Variants in RNF38 observed in about 807,000 individuals in gnomAD.
RNF38 encodes ring finger protein 38, also known as E3 ubiquitin-protein ligase RNF38.
A neutral mutation model predicts 67.2 loss-of-function variants in RNF38; 15 were observed. The ratio of observed to expected loss-of-function variants is 0.22; its 90% confidence interval spans 0.15 to 0.34. The LOEUF is 0.34. RNF38 is among the 10% of genes least tolerant of loss of function. The pLI is 1.00. For synonymous variants in RNF38, 220 were observed against 218.8 expected (o/e 1.01, Z -0.05); for missense variants, 524 against 639.9 (o/e 0.82, Z 1.95).
At chr9:36,458,493 A>T (rs1839645758) in intron 1 of RNF38, among the ~76,000 whole-genome samples, 1 of 152,118 alleles carries the variant, frequency 6.6e-6, no homozygotes, top group Non-Finnish European at 1.5e-5. Flanking sequence ...AACACACACC[A>T]CAAGCGTCCG....
intron 1 of RNF38, among the ~76,000 whole-genome samples, chr9:36,446,518 C>T (rs1407564883): frequency 6.6e-6 from 1 of 152,074 alleles, no homozygotes; most frequent in East Asian, 1.9e-4. Flanking sequence ...AGTTGAAATA[C>T]ACATCGGCCC....
rs937832187 is a variant in RNF38, at chr9:36,458,162, G to T, written n.241+29146C>A. Among the ~76,000 whole-genome samples the T allele has an allele frequency of 2.0e-5, 3 of 152,188 alleles. No individual in the cohort carries two copies. The South Asian group carries it at 6.2e-4, about 31-fold the overall frequency. The stretch of plus-strand genomic sequence containing the variant: ...TAGTAATGAGAGGTGAAGCCAGCTG[G>T]ACTTCTGGGTCGGGTGGGGACTTGG... On this transcript the variant is annotated intron_variant and non_coding_transcript_variant, in intron 1 of 3. Coordinates refer to the RNF38 transcript ENST00000488058.
intron 1 of RNF38, among the ~76,000 whole-genome samples, chr9:36,438,730 A>G (rs1054367201): frequency 1.3e-5 from 2 of 152,178 alleles, no homozygotes. Flanking sequence ...TGGTATTTCT[A>G]CCTGAAAGAA....
intron 1 of RNF38, among the ~76,000 whole-genome samples, chr9:36,483,687 A>C (rs1480525135): frequency 6.6e-6 from 1 of 152,216 alleles, no homozygotes; most frequent in Non-Finnish European, 1.5e-5. Flanking sequence ...TGTTGGTCAC[A>C]AGCTAAAACA....
chr9:36,433,460 G>C (rs964510771), intron 1 of RNF38, among the ~76,000 whole-genome samples: 8 of 151,138 alleles, frequency 5.3e-5, no homozygotes, highest in Admixed American at 4.0e-4. Context: ...AAAACATAGG[G>C]CCAGGCACAG....
intron 1 of RNF38, among the ~76,000 whole-genome samples, chr9:36,477,833 A>AAG (rs1564078201): frequency 6.1e-5 from 9 of 147,424 alleles, no homozygotes; most frequent in Non-Finnish European, 5.9e-5. Flanking sequence ...AAAAAAAAAA[A>AAG]AAAGAAAGAA....
chr9:36,374,342 T>C (rs1204160145), intron 3 of RNF38, among the ~76,000 whole-genome samples: 1 of 152,206 alleles, frequency 6.6e-6, no homozygotes, highest in Non-Finnish European at 1.5e-5. Context: ...AACAGATACT[T>C]AATTTCTCAA....
At chr9:36,409,959 T>C (rs1341133047) in intron 2 of RNF38, among the ~76,000 whole-genome samples, 1 of 152,216 alleles carries the variant, frequency 6.6e-6, no homozygotes, top group African/African-American at 2.4e-5. Context: ...CTTATTTATC[T>C]TCCCCTGGCT....
chr9:36,369,635 T>C (rs1835226291), intron 4 of RNF38, 84 bp downstream of exon 4: 1 of 1,067,956 alleles, frequency 9.4e-7, no homozygotes, highest in Non-Finnish European at 1.3e-6. Flanking sequence ...TAAAAGAAAT[T>C]TGCAACAAAA....
At chr9:36,409,788 C>T (rs939019414) in intron 2 of RNF38, among the ~76,000 whole-genome samples, 9 of 152,154 alleles carry the variant, frequency 5.9e-5, no homozygotes, top group African/African-American at 1.7e-4. Flanking sequence ...TCCTCCTGCC[C>T]GTGCCACATT....
At chr9:36,468,337 A>G (rs1467008056) in intron 1 of RNF38, among the ~76,000 whole-genome samples, 4 of 152,156 alleles carry the variant, frequency 2.6e-5, no homozygotes, top group East Asian at 1.9e-4. Flanking sequence ...CCAGGTATAT[A>G]ATACATGCTA....
intron 1 of RNF38, among the ~76,000 whole-genome samples, chr9:36,477,323 A>G (rs747405152): frequency 2.1e-5 from 3 of 140,200 alleles, no homozygotes; most frequent in South Asian, 2.2e-4. Flanking sequence ...ACTCGTCTGG[A>G]AAAAAAAAAA....
intron 1 of RNF38, among the ~76,000 whole-genome samples, chr9:36,477,066 G>A (rs1241674554): frequency 6.6e-6 from 1 of 152,076 alleles, no homozygotes; most frequent in African/African-American, 2.4e-5. Context: ...GATCACGCCT[G>A]TAATCCCAGC....
intron 1 of RNF38, among the ~76,000 whole-genome samples, chr9:36,458,434 G>A (rs1429790893): frequency 6.6e-6 from 1 of 152,174 alleles, no homozygotes; most frequent in African/African-American, 2.4e-5. Context: ...CTTCACAGTA[G>A]ATCTTGCTGC....
intron 1 of RNF38, among the ~76,000 whole-genome samples, chr9:36,445,728 C>A (rs754014979): frequency 1.3e-5 from 2 of 152,190 alleles, no homozygotes; most frequent in African/African-American, 4.8e-5. Flanking sequence ...GCCGACAACT[C>A]CTTACTCCAG....
At chr9:36,462,594 T>TAA (rs1839758764) in intron 1 of RNF38, among the ~76,000 whole-genome samples, 2 of 152,146 alleles carry the variant, frequency 1.3e-5, no homozygotes, top group Admixed American at 6.5e-5. Context: ...CTTCTGCACT[T>TAA]AAAACAGCTT....
chr9:36,417,060 C>A (rs1838493763), intron 2 of RNF38, among the ~76,000 whole-genome samples: 1 of 152,200 alleles, frequency 6.6e-6, no homozygotes, highest in South Asian at 2.1e-4. Flanking sequence ...CCGCGCCTGG[C>A]CTTGCATCAA....
intron 4 of RNF38, among the ~76,000 whole-genome samples, chr9:36,365,854 CGG>C (rs1032574795): frequency 9.2e-5 from 14 of 151,600 alleles, no homozygotes; most frequent in Non-Finnish European, 1.0e-4. Flanking sequence ...TTAGTAGAGA[CGG>C]GGTTTCACCA....
At chr9:36,441,454 G>A (rs1198289294) in intron 1 of RNF38, among the ~76,000 whole-genome samples, 2 of 151,960 alleles carry the variant, frequency 1.3e-5, no homozygotes, top group Admixed American at 6.6e-5. Context: ...AGCCTCCTGA[G>A]GAGCTGGGAT....
Sources: allele counts gnomAD v4.1 joint callset (sites outside exome capture counted in the v4.1 genomes callset), GRCh38; gene constraint gnomAD v4.1.1; transcripts MANE v1.5; gene names NCBI Gene and HGNC (gene_info 2026-07-23, HGNC 2026-07-21).